DNAH5: variants seen among roughly 807,000 people sequenced by gnomAD.
DNAH5 encodes dynein axonemal heavy chain 5.
In DNAH5, 372 loss-of-function variants were observed where a neutral mutation model predicts 518.2. That is an observed-to-expected ratio of 0.72 (90% CI 0.66 to 0.78). DNAH5 has a LOEUF of 0.78. DNAH5 is among the 30% of genes least tolerant of loss of function. The pLI is 0.00. For missense variants in DNAH5, 5,523 were observed against 5,687.0 expected (o/e 0.97, Z 0.93); for synonymous variants, 2,039 against 2,025.9 (o/e 1.01, Z -0.17).
Position 13,700,707 on chromosome 5 carries a change from G to C in DNAH5, c.13656C>G (p.Leu4552=). ...AGAGCACTTTTGGCTTTGATTCAAT[G>C]AGTTTCATGTTCCTCTTGTCCCAGC... is the stretch of plus-strand genomic sequence containing the variant. ...GAGWDKRNMK[L]IESKPKVLFE... Residue 4552 remains leucine, a synonymous_variant, in exon 78 of 79, where the codon CTC becomes CTG. Transcript: ENST00000265104. 7 of 1,614,150 alleles carry C rather than the reference G, an allele frequency of 4.3e-6. No homozygotes were observed. The highest frequency in any genetic ancestry group is 5.9e-6 in the Non-Finnish European group (7 of 1,180,008).
Position 13,901,532 on chromosome 5 carries a change from A to T in DNAH5, c.1772T>A (p.Leu591His). 1 of 1,613,572 alleles carries T rather than the reference A, an allele frequency of 6.2e-7. No individual in the cohort carries two copies. The highest frequency in any genetic ancestry group is 8.5e-7 in the Non-Finnish European group (1 of 1,179,906). The change falls in exon 14 of 79, where the codon CTT (leucine) becomes CAT (histidine). Residue 591 changes from leucine to histidine, a missense_variant. Leu to His is a moderately conservative substitution (Grantham distance 99). Coordinates refer to ENST00000265104, the MANE Select transcript of DNAH5 (RefSeq NM_001369.3). ...GTCAGCCCCATAGTTCTCAAGGATA[A>T]GTTGATATTTGTCATCAATACCAAG... ...PNLGIDDKYQ[L>H]ILENYGADID... is the part of the protein sequence containing the mutation.
rs757732547 is a variant in DNAH5 at position 13,900,340 on chromosome 5, T to G, written c.2125A>C (p.Asn709His). The change falls in exon 15 of 79, where the codon AAC becomes CAC. Residue 709 changes from asparagine (N) to histidine (H), a missense_variant. Physicochemically the swap from Asn to His is moderately conservative, Grantham distance 68. Coordinates refer to ENST00000265104, the MANE Select transcript of DNAH5 (RefSeq NM_001369.3). ...KAPGTGELFVNFDPQILILFR... is the reference protein window; with the variant it reads ...KAPGTGELFVHFDPQILILFR... ...AAGATTAATATCTGAGGGTCAAAGT[T>G]TACAAACAATTCCCCTGTGCCTGGA... The G allele has an allele frequency of 1.1e-5, 17 of 1,614,088 alleles. No homozygotes were observed. The highest frequency in any genetic ancestry group is 1.4e-5 in the Non-Finnish European group (17 of 1,179,996).
chr5:13,797,986 T>C (rs868707816), intron 47 of DNAH5, among the ~76,000 whole-genome samples: 31 of 142,142 alleles, frequency 2.2e-4, no homozygotes, highest in Middle Eastern at 3.6e-3. Context: ...TTCTCACTCA[T>C]AGGTGGGAAT....
chr5:13,734,345 G>A (rs960558695), intron 68 of DNAH5, among the ~76,000 whole-genome samples: 1 of 152,136 alleles, frequency 6.6e-6, no homozygotes, highest in African/African-American at 2.4e-5. Flanking sequence ...TTATAGCATT[G>A]AGAACTAAGA....
intron 1 of DNAH5, among the ~76,000 whole-genome samples, chr5:13,976,630 T>C (rs1294154403): frequency 2.6e-5 from 4 of 151,844 alleles, no homozygotes; most frequent in Non-Finnish European, 5.9e-5. Context: ...TTGTATCTAA[T>C]CTGTAAACTG....
At chr5:13,704,705 G>T (rs1579825044) in intron 76 of DNAH5, among the ~76,000 whole-genome samples, 1 of 152,138 alleles carries the variant, frequency 6.6e-6, no homozygotes, top group East Asian at 1.9e-4. Context: ...TTGGTTCCAT[G>T]ATTTTCACCT....
intron 38 of DNAH5, among the ~76,000 whole-genome samples, chr5:13,827,548 T>G (rs1763050649): frequency 6.7e-6 from 1 of 150,180 alleles, no homozygotes; most frequent in Admixed American, 6.6e-5. Flanking sequence ...TACAGGCTCA[T>G]AGGTAGAGGG....
intron 1 of DNAH5, among the ~76,000 whole-genome samples, chr5:13,991,959 A>C (rs574649477): frequency 1.4e-4 from 22 of 152,224 alleles, no homozygotes; most frequent in Admixed American, 1.4e-3. Flanking sequence ...CAAATCCTCC[A>C]GTACACGAAG....
rs1762622144 is a variant in DNAH5, at chr5:13,824,342, T to C, written c.6445-9A>G. 2.5e-6 allele frequency: 4 copies of C among 1,613,916 alleles called. No homozygotes were observed. The highest frequency in any genetic ancestry group is 3.4e-6 in the Non-Finnish European group (4 of 1,179,930). On this transcript the variant is annotated splice_polypyrimidine_tract_variant and intron_variant, in intron 38 of 78. Coordinates refer to ENST00000265104, the MANE Select transcript of DNAH5 (RefSeq NM_001369.3). ...CCAAAGTCATAATGAACCTAGAGAATGTGAGATACATTGGGCTTATTTTCA... is the reference window on the plus strand; with the variant it reads ...CCAAAGTCATAATGAACCTAGAGAACGTGAGATACATTGGGCTTATTTTCA...
intron 71 of DNAH5, among the ~76,000 whole-genome samples, chr5:13,720,569 G>T (rs918554314): frequency 4.6e-5 from 7 of 151,970 alleles, no homozygotes; most frequent in South Asian, 2.1e-4. Context: ...GTAAAGATGG[G>T]GTCTATGTTG....
intron 65 of DNAH5, among the ~76,000 whole-genome samples, chr5:13,740,253 T>C (rs576880800): frequency 1.3e-5 from 2 of 152,162 alleles, no homozygotes; most frequent in South Asian, 4.2e-4. Context: ...CCCCTCTAAA[T>C]TAGGAGGTCT....
chr5:13,857,128 C>G (rs1308390141), intron 30 of DNAH5, among the ~76,000 whole-genome samples: 1 of 151,968 alleles, frequency 6.6e-6, no homozygotes, highest in African/African-American at 2.4e-5. Context: ...GTCTCAGCCC[C>G]AAAACTCCTT....
At chr5:13,817,799 A>G in intron 41 of DNAH5, 105 bp from the exon 42 acceptor site, 2 of 1,016,856 alleles carry the variant, frequency 2.0e-6, no homozygotes, top group Admixed American at 4.1e-5. Context: ...TGCTCAAAAT[A>G]TGAAAACTGC....
At chr5:13,757,573 T>A (rs770737003) in intron 61 of DNAH5, among the ~76,000 whole-genome samples, 2 of 152,156 alleles carry the variant, frequency 1.3e-5, no homozygotes, top group African/African-American at 2.4e-5. Flanking sequence ...AAAAAGCTTC[T>A]GCACAGTAAA....
At position 13,807,641 on chromosome 5, in the gene DNAH5, T is replaced by C. The variant is rs1759837856; in HGVS notation, c.7837A>G (p.Met2613Val). The C allele has an allele frequency of 1.2e-6, 2 of 1,613,294 alleles. No individual in the cohort carries two copies. The highest frequency in any genetic ancestry group is 1.7e-6 in the Non-Finnish European group (2 of 1,179,456). Reference sequence around the variant, plus strand: ...GAAGAAAAATTCAGACTCTTGATCATGTGACATTCAGGATCATATTTTGAC... The same window carrying C: ...GAAGAAAAATTCAGACTCTTGATCACGTGACATTCAGGATCATATTTTGAC... ...FMSKYDPECHMIKSLNFSSAT... is the reference protein window; with the variant it reads ...FMSKYDPECHVIKSLNFSSAT... The change falls in exon 47 of 79, where the codon ATG (methionine) becomes GTG (valine). Residue 2613 changes from methionine (M) to valine (V), a missense_variant. Coordinates refer to ENST00000265104, the MANE Select transcript of DNAH5 (RefSeq NM_001369.3).
rs181024898 is a variant in DNAH5 at position 13,790,115 on chromosome 5, T to A, written c.8449-1201A>T. On this transcript the variant is annotated intron_variant, in intron 50 of 78. Transcript: ENST00000265104. ...TGCTATTGGTGGGAGTGTAAATTAG[T>A]TCAAGCATTGTGGAATGCACTATGG... Among the ~76,000 whole-genome samples the A allele has an allele frequency of 2.4e-3, 360 of 152,266 alleles. 3 individuals are homozygous for A. Among genetic ancestry groups the A allele is most frequent in the African/African-American group, 8.4e-3 (350 of 41,552 alleles).
At chr5:13,976,687 G>GTATATATATATATA (rs1231927910) in intron 1 of DNAH5, among the ~76,000 whole-genome samples, 57 of 121,342 alleles carry the variant, frequency 4.7e-4, no homozygotes, top group African/African-American at 1.7e-3. Flanking sequence ...ATGTGTGTGT[G>GTATATATATATATA]TGTATATATA....
chr5:13,825,292 C>T (rs557610484), intron 38 of DNAH5, among the ~76,000 whole-genome samples: 2 of 151,758 alleles, frequency 1.3e-5, no homozygotes, highest in Non-Finnish European at 2.9e-5. Context: ...TGCAGTGAGC[C>T]GAGATAGCAC....
chr5:13,776,293 G>A, intron 55 of DNAH5, 146 bp downstream of exon 55: 5 of 1,070,140 alleles, frequency 4.7e-6, no homozygotes, highest in East Asian at 2.4e-5. Context: ...CACAAATGCT[G>A]TCCATGAGAT....
Sources: gnomAD v4.1 joint callset for allele counts (sites outside exome capture counted in the v4.1 genomes callset) on GRCh38, gnomAD v4.1.1 for gene constraint, MANE v1.5 for transcripts, NCBI Gene and HGNC (gene_info 2026-07-23, HGNC 2026-07-21) for gene names.